KBTBD12: variants seen among roughly 807,000 people sequenced by gnomAD.
KBTBD12 encodes the protein kelch repeat and BTB domain containing 12, also known as kelch repeat and BTB domain-containing protein 12.
Under a neutral mutation model 58.7 loss-of-function variants are expected in KBTBD12, and 53 were observed. The observed-to-expected ratio is 0.90, with a 90% CI of 0.72 to 1.14. KBTBD12 has a LOEUF of 1.14. Ranked by LOEUF, KBTBD12 falls within the 50% of genes most tolerant of loss-of-function variation. KBTBD12 has a pLI of 0.00. For synonymous variants in KBTBD12, 236 were observed against 259.8 expected (o/e 0.91, Z 0.88); for missense variants, 704 against 751.3 (o/e 0.94, Z 0.74).
Position 127,927,849 on chromosome 3 carries a change from G to A in KBTBD12, c.1156G>A (p.Asp386Asn). ...ELYALGSIHNDLYVIGGQMKI... is the reference protein window; with the variant it reads ...ELYALGSIHNNLYVIGGQMKI... ...CTATGCTCTGGGCAGTATTCATAAT[G>A]ACCTTTATGTTATAGGAGGACAGAT... Residue 386 changes from aspartate (D) to asparagine (N), a missense_variant, in exon 3 of 6, where the codon GAC becomes AAC. Asp to Asn is a conservative substitution (Grantham distance 23). Coordinates refer to ENST00000405109, the MANE Select transcript of KBTBD12 (RefSeq NM_207335.4). 2 of 1,612,310 alleles carry A rather than the reference G, an allele frequency of 1.2e-6. No homozygotes were observed. The highest frequency in any genetic ancestry group is 3.3e-5 in the Admixed American group (2 of 59,872).
chr3:127,918,707 G>A (rs975530797), intron 1 of KBTBD12, among the ~76,000 whole-genome samples: 6 of 134,546 alleles, frequency 4.5e-5, no homozygotes, highest in Admixed American at 3.0e-4. Flanking sequence ...GCGAGACTCC[G>A]TCTCAAAAAA....
chr3:127,947,205 G>A (rs1940102821), intron 4 of KBTBD12, among the ~76,000 whole-genome samples: 1 of 152,080 alleles, frequency 6.6e-6, no homozygotes, highest in Non-Finnish European at 1.5e-5. Flanking sequence ...AAGAACCAGA[G>A]GCTCCTGATG....
intron 5 of KBTBD12, among the ~76,000 whole-genome samples, chr3:127,969,789 C>A (rs923164414): frequency 5.6e-4 from 85 of 152,224 alleles, no homozygotes; most frequent in African/African-American, 1.9e-3. Flanking sequence ...AAGTTGGAAT[C>A]CTGCCTCTTA....
chr3:127,937,769 C>G lies in KBTBD12; in HGVS notation c.1492+7486C>G, dbSNP rs141856056. On this transcript the variant is annotated intron_variant, in intron 4 of 5. Coordinates refer to ENST00000405109, the MANE Select transcript of KBTBD12 (RefSeq NM_207335.4). Reference sequence around the variant, plus strand: ...ACTTAGATTTGTAGTGATCATGAAACTGAAAAACACCAATGAAAAGAGAAT... The same window carrying G: ...ACTTAGATTTGTAGTGATCATGAAAGTGAAAAACACCAATGAAAAGAGAAT... 1.5e-3 allele frequency among the ~76,000 whole-genome samples: 226 copies of G among 152,074 alleles called. 1 individual carries two copies. The highest frequency in any genetic ancestry group is 5.1e-3 in the African/African-American group (212 of 41,512).
intron 5 of KBTBD12, among the ~76,000 whole-genome samples, chr3:127,979,147 T>C (rs2107617605): frequency 6.6e-6 from 1 of 152,330 alleles, no homozygotes; most frequent in South Asian, 2.1e-4. Flanking sequence ...CCACAGGATT[T>C]AAACAAGACC....
Position 127,985,221 on chromosome 3 carries a change from G to A in KBTBD12, c.*943G>A, listed in dbSNP as rs188420137. On this transcript the variant is annotated 3_prime_UTR_variant, in exon 6 of 6. Coordinates refer to ENST00000405109, the MANE Select transcript of KBTBD12 (RefSeq NM_207335.4). Reference sequence around the variant, plus strand: ...GCCACCCAAGCCAGGGACAGAGAAGGCTCTGGCTGAGGACAGGGGAAGAAG... The same window carrying A: ...GCCACCCAAGCCAGGGACAGAGAAGACTCTGGCTGAGGACAGGGGAAGAAG... 1 of 152,226 alleles carries A rather than the reference G, an allele frequency of 6.6e-6. No homozygotes were observed. The highest frequency in any genetic ancestry group is 2.4e-5 in the African/African-American group (1 of 41,322). The allele number at this position is 152,226 out of a possible 1,614,324, so 9.4% of individuals were successfully genotyped here.
At position 127,923,497 on chromosome 3, in the gene KBTBD12, G is replaced by A. The variant is rs1939479481; in HGVS notation, c.436G>A (p.Glu146Lys). ...TTATTTTGCAAAGCAGATTGGAGCTGAAGATTTATCTGATCGATCAAAGAA... is the reference window on the plus strand; with the variant it reads ...TTATTTTGCAAAGCAGATTGGAGCTAAAGATTTATCTGATCGATCAAAGAA... The part of the protein sequence containing the change: ...IYYFAKQIGA[E>K]DLSDRSKKYL... Residue 146 changes from glutamate to lysine, a missense_variant, in exon 2 of 6, where the codon GAA (glutamate) becomes AAA (lysine). By Grantham distance (56) the Glu-to-Lys change is moderately conservative (BLOSUM62 1). Coordinates refer to ENST00000405109, the MANE Select transcript of KBTBD12 (RefSeq NM_207335.4). The A allele has an allele frequency of 6.2e-7, 1 of 1,611,000 alleles. No individual in the cohort carries two copies. The highest frequency in any genetic ancestry group is 1.3e-5 in the African/African-American group (1 of 75,034).
At chr3:127,949,719 A>G (rs1940164609) in intron 4 of KBTBD12, among the ~76,000 whole-genome samples, 1 of 152,204 alleles carries the variant, frequency 6.6e-6, no homozygotes, top group African/African-American at 2.4e-5. Flanking sequence ...AACAGAATGG[A>G]TGAAATTTTG....
chr3:127,965,593 A>G (rs1940547778), intron 5 of KBTBD12, among the ~76,000 whole-genome samples: 1 of 152,234 alleles, frequency 6.6e-6, no homozygotes, highest in Admixed American at 6.5e-5. Context: ...CTTTTAATAT[A>G]CTTAATTCAA....
At chr3:127,927,694 T>C in intron 2 of KBTBD12, 70 bp from the exon 3 acceptor site, 1 of 1,131,566 alleles carries the variant, frequency 8.8e-7, no homozygotes, top group East Asian at 2.5e-5. Context: ...AGAAAATAAA[T>C]AAGTGTATTT....
chr3:127,984,532 A>T lies in KBTBD12; in HGVS notation c.*254A>T. 2.7e-6 allele frequency: 1 copy of T among 367,230 alleles called. No homozygotes were observed. Among genetic ancestry groups the T allele is most frequent in the Non-Finnish European group, 5.0e-6 (1 of 198,870 alleles). The allele number at this position is 367,230 out of a possible 1,614,324, so 22.7% of individuals were successfully genotyped here. On this transcript the variant is annotated 3_prime_UTR_variant, in exon 6 of 6. Transcript: ENST00000405109. The stretch of plus-strand genomic sequence containing the variant: ...CACAGGAGGGGCACAGGGCCACAGG[A>T]GAGCAGCAGAGGGAGGGTCTCACTC...
At chr3:127,928,983 C>A (rs1300599681) in intron 3 of KBTBD12, among the ~76,000 whole-genome samples, 1 of 152,172 alleles carries the variant, frequency 6.6e-6, no homozygotes, top group Non-Finnish European at 1.5e-5. Flanking sequence ...TCACAGCTAG[C>A]AGGAGAAACC....
At chr3:127,974,701 C>A (rs961652727) in intron 5 of KBTBD12, among the ~76,000 whole-genome samples, 8 of 152,182 alleles carry the variant, frequency 5.3e-5, no homozygotes, top group Non-Finnish European at 1.2e-4. Context: ...TAAAAATAAT[C>A]ATCTGGCCAG....
Position 127,962,386 on chromosome 3 carries a change from G to A in KBTBD12, c.1493-803G>A, listed in dbSNP as rs573135459. Among the ~76,000 whole-genome samples the A allele has an allele frequency of 2.6e-5, 4 of 152,322 alleles. No individual in the cohort carries two copies. In the South Asian group the frequency reaches 6.2e-4, roughly 24 times the overall value. ...AATGGAGAGTTGTACTTAAAGTCATGATTCTCTAAGTGTTATTTATATTCC... is the reference window on the plus strand; with the variant it reads ...AATGGAGAGTTGTACTTAAAGTCATAATTCTCTAAGTGTTATTTATATTCC... On this transcript the variant is annotated intron_variant, in intron 4 of 5. Coordinates refer to ENST00000405109, the MANE Select transcript of KBTBD12 (RefSeq NM_207335.4).
chr3:127,917,315 C>T lies in KBTBD12; in HGVS notation c.-113+1729C>T, dbSNP rs1939273333. 2.0e-5 allele frequency among the ~76,000 whole-genome samples: 3 copies of T among 152,132 alleles called. No homozygotes were observed. In the South Asian group the frequency reaches 6.2e-4, roughly 32 times the overall value. On this transcript the variant is annotated intron_variant, in intron 1 of 5. Coordinates refer to ENST00000405109, the MANE Select transcript of KBTBD12 (RefSeq NM_207335.4). ...AATTCAGAAGAACGCTTAAGTTTTCCGGTTTACTATAAAGGATATTAACAA... is the reference window on the plus strand; with the variant it reads ...AATTCAGAAGAACGCTTAAGTTTTCTGGTTTACTATAAAGGATATTAACAA...
Position 127,930,285 on chromosome 3 carries a change from TAAG to T in KBTBD12, c.1492+9_1492+11del. The T allele has an allele frequency of 6.2e-7, 1 of 1,610,698 alleles. No individual in the cohort carries two copies. The highest frequency in any genetic ancestry group is 2.2e-5 in the East Asian group (1 of 44,832). On this transcript the variant is annotated splice_donor_5th_base_variant and intron_variant, in intron 4 of 5. Transcript: ENST00000405109. ...TCAACAGTGAGATTTATGTTTTGGG[TAAG>T]AAGAAGCAGATTGCTAACAGTATAA...
At chr3:127,938,410 A>G (rs958952747) in intron 4 of KBTBD12, among the ~76,000 whole-genome samples, 1 of 152,176 alleles carries the variant, frequency 6.6e-6, no homozygotes, top group Admixed American at 6.5e-5. Context: ...CGAAATTTCT[A>G]GGCTTACCAC....
intron 5 of KBTBD12, among the ~76,000 whole-genome samples, chr3:127,980,997 T>G (rs1259725306): frequency 3.3e-5 from 5 of 152,246 alleles, no homozygotes; most frequent in African/African-American, 1.2e-4. Flanking sequence ...TTGCTGTTCT[T>G]ATTTCCAAAC....
chr3:127,937,286 TA>T (rs1939851101), intron 4 of KBTBD12, among the ~76,000 whole-genome samples: 1 of 152,020 alleles, frequency 6.6e-6, no homozygotes, highest in Non-Finnish European at 1.5e-5. Context: ...AATAAAAGAA[TA>T]AAATTTACAA....
Sources: allele counts gnomAD v4.1 joint callset (sites outside exome capture counted in the v4.1 genomes callset), GRCh38; gene constraint gnomAD v4.1.1; transcripts MANE v1.5; gene names NCBI Gene and HGNC (gene_info 2026-07-23, HGNC 2026-07-21).